PDE11A: variants seen among roughly 807,000 people sequenced by gnomAD.
PDE11A encodes the protein dual 3',5'-cyclic-AMP and -GMP phosphodiesterase 11A.
Under a neutral mutation model 100.5 loss-of-function variants are expected in PDE11A, and 100 were observed. The ratio of observed to expected loss-of-function variants is 1.00; its 90% CI spans 0.85 to 1.18. PDE11A has a LOEUF of 1.18. Ranked by LOEUF, PDE11A falls within the 50% of genes most tolerant of loss-of-function variation. PDE11A has a pLI of 0.00. For missense variants in PDE11A, 1,141 were observed against 1,152.6 expected (o/e 0.99, Z 0.15); for synonymous variants, 381 against 420.8 (o/e 0.91, Z 1.16).
intron 2 of PDE11A, among the ~76,000 whole-genome samples, chr2:177,994,224 C>T (rs946654448): frequency 1.3e-5 from 2 of 152,140 alleles, no homozygotes; most frequent in Non-Finnish European, 2.9e-5. Context: ...AGCCACTGTG[C>T]CTGGCCTGCA....
intron 18 of PDE11A, among the ~76,000 whole-genome samples, chr2:177,665,706 A>G (rs947271988): frequency 1.3e-5 from 2 of 148,568 alleles, no homozygotes; most frequent in Non-Finnish European, 3.0e-5. Context: ...AAATGCAAAA[A>G]ATTAGCTGGG....
intron 1 of PDE11A, among the ~76,000 whole-genome samples, chr2:178,064,073 A>T (rs149980570): frequency 5.9e-5 from 9 of 152,308 alleles, no homozygotes; most frequent in Non-Finnish European, 1.0e-4. Flanking sequence ...TGATGATTAG[A>T]GGTTTACAAA....
chr2:177,803,888 G>A (rs1267100659), intron 9 of PDE11A, among the ~76,000 whole-genome samples: 2 of 151,822 alleles, frequency 1.3e-5, no homozygotes, highest in African/African-American at 4.8e-5. Flanking sequence ...TCTAAGAACT[G>A]GAACAAGACA....
chr2:177,970,913 C>A (rs556127816), intron 2 of PDE11A, among the ~76,000 whole-genome samples: 1 of 152,246 alleles, frequency 6.6e-6, no homozygotes, highest in East Asian at 1.9e-4. Flanking sequence ...GCTATCAGCA[C>A]CATCAACTGC....
rs554159275 is a variant in PDE11A at position 177,815,661 on chromosome 2, T to C, written c.1737+1168A>G. ...TTGCAAATAAAAATCCCTGTGCTTCTAGAATCCATGATTTAGCCAGAAAAT... is the reference window on the plus strand; with the variant it reads ...TTGCAAATAAAAATCCCTGTGCTTCCAGAATCCATGATTTAGCCAGAAAAT... On this transcript the variant is annotated intron_variant, in intron 9 of 19. Coordinates refer to ENST00000286063, the MANE Select transcript of PDE11A (RefSeq NM_016953.4). Among the ~76,000 whole-genome samples the C allele has an allele frequency of 5.9e-5, 9 of 152,318 alleles. No homozygotes were observed. The South Asian group carries it at 1.7e-3, about 28-fold the overall frequency.
intron 19 of PDE11A, among the ~76,000 whole-genome samples, chr2:177,647,680 G>A (rs1451111558): frequency 1.3e-5 from 2 of 152,092 alleles, no homozygotes; most frequent in Non-Finnish European, 2.9e-5. Context: ...CCAATGTCCC[G>A]GATCTACAGA....
intron 10 of PDE11A, among the ~76,000 whole-genome samples, chr2:177,756,423 C>T (rs751296525): frequency 5.3e-5 from 8 of 152,194 alleles, no homozygotes; most frequent in Non-Finnish European, 1.2e-4. Flanking sequence ...CTCTCACTCT[C>T]TTCTCGTTCA....
intron 1 of PDE11A, among the ~76,000 whole-genome samples, chr2:178,053,307 T>C: frequency 6.6e-6 from 1 of 152,200 alleles, no homozygotes; most frequent in East Asian, 1.9e-4. Context: ...TTCGAAAAAT[T>C]CAACAGCCCT....
At chr2:177,814,545 T>C (rs538350816) in intron 9 of PDE11A, among the ~76,000 whole-genome samples, 18 of 152,234 alleles carry the variant, frequency 1.2e-4, no homozygotes, top group African/African-American at 1.9e-4. Context: ...ACACCATAAT[T>C]CTGACTGGGA....
intron 9 of PDE11A, among the ~76,000 whole-genome samples, chr2:177,771,900 GC>G (rs1472776840): frequency 6.6e-6 from 1 of 152,094 alleles, no homozygotes; most frequent in Non-Finnish European, 1.5e-5. Flanking sequence ...TACTTGGGAG[GC>G]TGAGGCGGGA....
intron 6 of PDE11A, 60 bp from the exon 7 acceptor site, chr2:177,820,355 A>AT (rs1282894596): frequency 9.6e-5 from 92 of 953,952 alleles, no homozygotes; most frequent in South Asian, 9.4e-4. Flanking sequence ...TTTGATTTAC[A>AT]TTTTTTCCAT....
intron 10 of PDE11A, among the ~76,000 whole-genome samples, chr2:177,765,803 T>C (rs2082231220): frequency 6.6e-6 from 1 of 152,206 alleles, no homozygotes; most frequent in Non-Finnish European, 1.5e-5. Flanking sequence ...GGCCTTAACT[T>C]TCATGAGGAA....
intron 1 of PDE11A, chr2:178,105,807 C>A (rs889167126): frequency 2.7e-6 from 2 of 730,940 alleles, no homozygotes; most frequent in Non-Finnish European, 1.9e-6. Context: ...ACCTGCCCAG[C>A]CAACTGGGAC....
chr2:178,028,432 AT>A (rs1433824223), intron 1 of PDE11A, among the ~76,000 whole-genome samples: 1 of 152,196 alleles, frequency 6.6e-6, no homozygotes, highest in East Asian at 1.9e-4. Flanking sequence ...AGCAGGAATC[AT>A]TTGTAAATAA....
At chr2:177,664,863 T>G (rs1461495648) in intron 18 of PDE11A, among the ~76,000 whole-genome samples, 2 of 152,156 alleles carry the variant, frequency 1.3e-5, no homozygotes, top group Non-Finnish European at 2.9e-5. Context: ...GGCATTCACA[T>G]TATTTTGGTG....
intron 2 of PDE11A, among the ~76,000 whole-genome samples, chr2:177,909,968 T>C (rs1449226228): frequency 5.9e-5 from 9 of 152,228 alleles, no homozygotes; most frequent in Admixed American, 5.2e-4. Flanking sequence ...ATTATCTGCC[T>C]TTGTCTCCGG....
chr2:177,981,946 C>T (rs761924200), intron 2 of PDE11A, among the ~76,000 whole-genome samples: 2 of 150,886 alleles, frequency 1.3e-5, no homozygotes, highest in African/African-American at 2.4e-5. Flanking sequence ...ATATTGACTC[C>T]TTTGCCATTC....
At chr2:177,841,842 CTG>C (rs2083495663) in intron 5 of PDE11A, among the ~76,000 whole-genome samples, 1 of 152,090 alleles carries the variant, frequency 6.6e-6, no homozygotes, top group South Asian at 2.1e-4. Flanking sequence ...AGTAAAAAGA[CTG>C]AGTACTTCAA....
intron 5 of PDE11A, among the ~76,000 whole-genome samples, chr2:177,865,070 A>C (rs1260616458): frequency 1.3e-5 from 2 of 152,118 alleles, no homozygotes; most frequent in Non-Finnish European, 2.9e-5. Context: ...CCTGAGGTTA[A>C]GAGTTCAAGA....
Sources: allele counts gnomAD v4.1 joint callset (sites outside exome capture counted in the v4.1 genomes callset), GRCh38; gene constraint gnomAD v4.1.1; transcripts MANE v1.5; gene names NCBI Gene and HGNC (gene_info 2026-07-23, HGNC 2026-07-21).